WDR72: variants seen among roughly 807,000 people sequenced by gnomAD.
WDR72 encodes the protein WD repeat domain 72, also known as WD repeat-containing protein 72.
A neutral mutation model predicts 124.2 loss-of-function variants in WDR72; 120 were observed. The ratio of observed to expected loss-of-function variants is 0.97; its 90% CI spans 0.83 to 1.12. The LOEUF is 1.12. WDR72 is among the 50% of genes most tolerant of loss of function. WDR72 has a pLI of 0.00. For synonymous variants in WDR72, 452 were observed against 441.7 expected (o/e 1.02, Z -0.29); for missense variants, 1,387 against 1,278.8 (o/e 1.08, Z -1.29).
chr15:53,747,281 G>A (rs1029846997), intron 1 of WDR72, among the ~76,000 whole-genome samples: 2 of 152,282 alleles, frequency 1.3e-5, no homozygotes, highest in Non-Finnish European at 2.9e-5. Context: ...AGGTCAAAGA[G>A]TGTCCAAGGC....
At chr15:53,544,246 G>A (rs1893327519) in intron 18 of WDR72, among the ~76,000 whole-genome samples, 4 of 138,784 alleles carry the variant, frequency 2.9e-5, no homozygotes, top group African/African-American at 8.3e-5. Context: ...GATGAACATT[G>A]ATGCAAAAAT....
intron 1 of WDR72, among the ~76,000 whole-genome samples, chr15:53,754,223 T>G (rs998062953): frequency 1.3e-5 from 2 of 152,142 alleles, no homozygotes; most frequent in African/African-American, 4.8e-5. Context: ...TGGGCCAGAA[T>G]GTTTTCAAAG....
chr15:53,532,302 A>C (rs1249641160), intron 18 of WDR72, among the ~76,000 whole-genome samples: 2 of 152,150 alleles, frequency 1.3e-5, no homozygotes, highest in Non-Finnish European at 2.9e-5. Flanking sequence ...TACATGTCCA[A>C]AACAAAGGAA....
chr15:53,615,874 T>A lies in WDR72; in HGVS notation c.2332A>T (p.Met778Leu), dbSNP rs1202395661. 6.2e-7 allele frequency: 1 copy of A among 1,613,552 alleles called. No homozygotes were observed. The highest frequency in any genetic ancestry group is 1.3e-5 in the African/African-American group (1 of 74,968). ...RQKKMKISKK[M>L]QPKPSRKVDA... is the part of the protein sequence containing the mutation. ...ACTTTTCTTGATGGCTTAGGCTGCATTTTTTTGGAGATCTTCATTTTCTTC... is the reference window on the plus strand; with the variant it reads ...ACTTTTCTTGATGGCTTAGGCTGCAATTTTTTGGAGATCTTCATTTTCTTC... The change falls in exon 15 of 20, where the codon ATG (methionine) becomes TTG (leucine). Residue 778 changes from methionine to leucine, a missense_variant. Coordinates refer to ENST00000360509, the MANE Select transcript of WDR72 (RefSeq NM_182758.4).
At chr15:53,588,831 C>G (rs998827921) in intron 18 of WDR72, among the ~76,000 whole-genome samples, 4 of 151,816 alleles carry the variant, frequency 2.6e-5, no homozygotes, top group Non-Finnish European at 4.4e-5. Flanking sequence ...ACACAAATTC[C>G]CAGGCTCAGA....
At chr15:53,665,793 A>T in intron 13 of WDR72, 25 bp from the exon 14 acceptor site, 1 of 1,606,350 alleles carries the variant, frequency 6.2e-7, no homozygotes, top group African/African-American at 1.3e-5. Flanking sequence ...TAGAGGTAAA[A>T]ATGTCAGGAA....
At chr15:53,734,912 A>T (rs1019808162) in intron 1 of WDR72, among the ~76,000 whole-genome samples, 1 of 151,980 alleles carries the variant, frequency 6.6e-6, no homozygotes, top group Admixed American at 6.6e-5. Flanking sequence ...TATATAAAAA[A>T]TTGTTTCCAG....
chr15:53,606,658 T>C (rs894419282), intron 17 of WDR72, among the ~76,000 whole-genome samples: 6 of 152,194 alleles, frequency 3.9e-5, no homozygotes, highest in African/African-American at 1.4e-4. Context: ...CAATATTAGT[T>C]GGAGTTATAA....
chr15:53,574,435 G>A (rs941720267), intron 18 of WDR72, among the ~76,000 whole-genome samples: 3 of 152,108 alleles, frequency 2.0e-5, no homozygotes, highest in African/African-American at 4.8e-5. Context: ...GAATATAATA[G>A]ATAAAATATT....
chr15:53,756,937 C>A (rs527692319), intron 1 of WDR72: 23 of 152,318 alleles, frequency 1.5e-4, no homozygotes, highest in African/African-American at 5.3e-4. Context: ...GAAATGAGAG[C>A]AAATTCTGGA....
intron 13 of WDR72, among the ~76,000 whole-genome samples, chr15:53,679,092 C>A (rs547068758): frequency 1.4e-4 from 21 of 152,226 alleles, no homozygotes; most frequent in Admixed American, 3.3e-4. Context: ...ATATGATATA[C>A]CCAACCCAGA....
chr15:53,705,377 G>C, intron 10 of WDR72, 144 bp from the exon 11 acceptor site: 2 of 748,254 alleles, frequency 2.7e-6, no homozygotes, highest in African/African-American at 3.5e-5. Flanking sequence ...TCATCTCTTG[G>C]GAAGTTCAAT....
At chr15:53,598,744 A>G (rs1281756768) in intron 17 of WDR72, among the ~76,000 whole-genome samples, 1 of 152,232 alleles carries the variant, frequency 6.6e-6, no homozygotes, top group African/African-American at 2.4e-5. Flanking sequence ...TCACTATTGC[A>G]TACCATGCAT....
rs553392208 is a variant in WDR72 at position 53,524,477 on chromosome 15, G to A, written c.3149-1155C>T. On this transcript the variant is annotated intron_variant, in intron 18 of 19. Coordinates refer to ENST00000360509, the MANE Select transcript of WDR72 (RefSeq NM_182758.4). ...CTGTGCTACTTCACACATTTGGTAC[G>A]TGACACAACGGTGTCCCACCCAAGG... is the stretch of plus-strand genomic sequence containing the variant. Among the ~76,000 whole-genome samples the A allele has an allele frequency of 8.5e-5, 13 of 152,192 alleles. No homozygotes were observed. The East Asian group carries it at 2.1e-3, about 25-fold the overall frequency.
chr15:53,649,882 T>A (rs1019181923), intron 14 of WDR72, among the ~76,000 whole-genome samples: 1 of 152,108 alleles, frequency 6.6e-6, no homozygotes, highest in South Asian at 2.1e-4. Context: ...AAAAACAGCA[T>A]GGAGGTTCCT....
At chr15:53,626,847 T>G (rs2014231094) in intron 14 of WDR72, among the ~76,000 whole-genome samples, 1 of 152,190 alleles carries the variant, frequency 6.6e-6, no homozygotes, top group South Asian at 2.1e-4. Flanking sequence ...ATCCAGCTAG[T>G]CCCATCTCTC....
intron 18 of WDR72, among the ~76,000 whole-genome samples, chr15:53,543,672 C>CA (rs907969530): frequency 2.0e-5 from 3 of 151,474 alleles, no homozygotes; most frequent in African/African-American, 4.8e-5. Flanking sequence ...AATAGAGACA[C>CA]AAAAAACCGT....
intron 13 of WDR72, among the ~76,000 whole-genome samples, chr15:53,697,777 G>T (rs999507959): frequency 1.3e-5 from 2 of 152,130 alleles, no homozygotes; most frequent in African/African-American, 4.8e-5. Flanking sequence ...ATGTCTGACA[G>T]AAAGTAGATC....
intron 13 of WDR72, among the ~76,000 whole-genome samples, chr15:53,682,476 A>G (rs7180008): frequency 0.053 from 8,019 of 152,202 alleles, 738 homozygotes; most frequent in African/African-American, 0.18. Flanking sequence ...GGTTCAAAGT[A>G]AGGTCAAACT....
Sources: gnomAD v4.1 joint callset for allele counts (sites outside exome capture counted in the v4.1 genomes callset) on GRCh38, gnomAD v4.1.1 for gene constraint, MANE v1.5 for transcripts, NCBI Gene and HGNC (gene_info 2026-07-23, HGNC 2026-07-21) for gene names.